Variants in SNX29 observed in about 807,000 individuals in gnomAD.
The protein encoded by SNX29 is sorting nexin-29.
Under a neutral mutation model 102.1 loss-of-function variants are expected in SNX29, and 78 were observed. That is an observed-to-expected ratio of 0.76 (90% CI 0.64 to 0.92). SNX29 has a LOEUF of 0.92. SNX29 is among the 40% of genes least tolerant of loss of function. SNX29 has a pLI of 0.00. For synonymous variants in SNX29, 580 were observed against 414.5 expected (o/e 1.40, Z -4.85); for missense variants, 1,280 against 1,061.7 (o/e 1.21, Z -2.86).
At chr16:12,547,765 G>A (rs948518800) in intron 20 of SNX29, among the ~76,000 whole-genome samples, 11 of 152,178 alleles carry the variant, frequency 7.2e-5, no homozygotes, top group Non-Finnish European at 1.2e-4. Flanking sequence ...AGCTGCAGCT[G>A]CTCACACTTG....
chr16:12,536,655 C>T (rs560025962), intron 20 of SNX29, among the ~76,000 whole-genome samples: 1 of 152,096 alleles, frequency 6.6e-6, no homozygotes, highest in African/African-American at 2.4e-5. Flanking sequence ...TTCTGGGTTC[C>T]TTAGATCCAG....
At chr16:12,545,555 G>A (rs556637666) in intron 20 of SNX29, 1 of 152,242 alleles carries the variant, frequency 6.6e-6, no homozygotes, top group African/African-American at 2.4e-5. Context: ...GACTTATGGA[G>A]AAACGTTTGA....
At chr16:12,494,186 A>G (rs940836570) in intron 19 of SNX29, among the ~76,000 whole-genome samples, 5 of 152,160 alleles carry the variant, frequency 3.3e-5, no homozygotes, top group Admixed American at 2.0e-4. Context: ...TGTCTCAACA[A>G]CAACAGCGAA....
At chr16:12,473,525 A>G (rs1464788372) in intron 18 of SNX29, among the ~76,000 whole-genome samples, 1 of 152,212 alleles carries the variant, frequency 6.6e-6, no homozygotes, top group Non-Finnish European at 1.5e-5. Flanking sequence ...GCAGCAGAGC[A>G]GCCTGCTGTT....
At chr16:12,147,480 G>A (rs2055112985) in intron 13 of SNX29, among the ~76,000 whole-genome samples, 1 of 152,198 alleles carries the variant, frequency 6.6e-6, no homozygotes, top group African/African-American at 2.4e-5. Flanking sequence ...GTAGGTAGAG[G>A]TGTCTAGAGA....
At chr16:12,250,207 G>A (rs2078380561) in intron 14 of SNX29, among the ~76,000 whole-genome samples, 1 of 152,230 alleles carries the variant, frequency 6.6e-6, no homozygotes, top group Non-Finnish European at 1.5e-5. Context: ...CCAGAGACAA[G>A]AGCGGGCACG....
intron 4 of SNX29, among the ~76,000 whole-genome samples, chr16:12,030,218 A>T (rs538152661): frequency 6.6e-6 from 1 of 152,236 alleles, no homozygotes; most frequent in Non-Finnish European, 1.5e-5. Flanking sequence ...TCTTGTTTCT[A>T]TGCATACTGT....
At position 12,572,313 on chromosome 16, in the gene SNX29, G is replaced by T. The variant is rs554330956; in HGVS notation, c.*3684G>T. The T allele has an allele frequency of 2.3e-5, 24 of 1,063,064 alleles. No homozygotes were observed. The highest frequency in any genetic ancestry group is 2.7e-5 in the Non-Finnish European group (24 of 877,760). The allele number at this position is 1,063,064 out of a possible 1,614,324, so 65.9% of individuals were successfully genotyped here. On this transcript the variant is annotated 3_prime_UTR_variant, in exon 21 of 21. Transcript: ENST00000566228. ...GGGCCAGTGATCACAATCCAGGTTG[G>T]AAACAGGAGTGAAGCCCACCAGCCT...
At chr16:12,382,418 C>T (rs989095614) in intron 16 of SNX29, among the ~76,000 whole-genome samples, 5 of 152,264 alleles carry the variant, frequency 3.3e-5, no homozygotes, top group Admixed American at 2.6e-4. Flanking sequence ...CTCACTGTGC[C>T]ACTTAGAGCC....
chr16:12,537,113 C>T (rs1049543044), intron 20 of SNX29, among the ~76,000 whole-genome samples: 5 of 152,204 alleles, frequency 3.3e-5, no homozygotes, highest in African/African-American at 9.6e-5. Context: ...TCCCTTTCCT[C>T]CCAGCTGTTG....
At chr16:12,132,701 A>AT (rs1315667110) in intron 13 of SNX29, among the ~76,000 whole-genome samples, 1 of 152,232 alleles carries the variant, frequency 6.6e-6, no homozygotes, top group Non-Finnish European at 1.5e-5. Context: ...GATAAAATCA[A>AT]TGTCCTAACC....
intron 11 of SNX29, chr16:12,086,627 C>T (rs891255469): frequency 7.9e-5 from 12 of 152,202 alleles, no homozygotes; most frequent in African/African-American, 2.9e-4. Context: ...GTTGCCTAGG[C>T]TGGTCTTGAA....
chr16:12,162,009 C>A (rs1210857679), intron 13 of SNX29, among the ~76,000 whole-genome samples: 1 of 152,200 alleles, frequency 6.6e-6, no homozygotes, highest in South Asian at 2.1e-4. Flanking sequence ...TCCCTCACCA[C>A]CCCTGTTGGT....
intron 16 of SNX29, among the ~76,000 whole-genome samples, chr16:12,378,048 C>A (rs1289397534): frequency 6.6e-6 from 1 of 152,160 alleles, no homozygotes; most frequent in Non-Finnish European, 1.5e-5. Context: ...TACAAACTGG[C>A]CTCTGCAAAA....
At chr16:12,449,451 G>C (rs1364206291) in intron 18 of SNX29, among the ~76,000 whole-genome samples, 2 of 152,058 alleles carry the variant, frequency 1.3e-5, no homozygotes, top group Non-Finnish European at 2.9e-5. Context: ...AGCAGGTAAT[G>C]ATGTTTGTAT....
intron 15 of SNX29, among the ~76,000 whole-genome samples, chr16:12,352,892 A>G (rs2082026409): frequency 6.6e-6 from 1 of 152,222 alleles, no homozygotes; most frequent in Non-Finnish European, 1.5e-5. Flanking sequence ...TTCATGAAAT[A>G]CAACAACTGA....
intron 20 of SNX29, among the ~76,000 whole-genome samples, chr16:12,540,845 A>C (rs2077301641): frequency 6.6e-6 from 1 of 152,046 alleles, no homozygotes. Context: ...GATCGCCTCC[A>C]CCCTTTCTGA....
At chr16:12,195,768 T>G (rs1175729280) in intron 13 of SNX29, among the ~76,000 whole-genome samples, 2 of 152,164 alleles carry the variant, frequency 1.3e-5, no homozygotes, top group Admixed American at 1.3e-4. Context: ...TTGGAGTGTG[T>G]GTTAGACTCT....
intron 7 of SNX29, among the ~76,000 whole-genome samples, chr16:12,049,963 G>T (rs1005138596): frequency 1.3e-5 from 2 of 152,198 alleles, no homozygotes; most frequent in African/African-American, 4.8e-5. Flanking sequence ...TCAAATCTCT[G>T]AAACAAGGCA....
Sources: gnomAD v4.1 joint callset for allele counts (sites outside exome capture counted in the v4.1 genomes callset) on GRCh38, gnomAD v4.1.1 for gene constraint, MANE v1.5 for transcripts, NCBI Gene and HGNC (gene_info 2026-07-23, HGNC 2026-07-21) for gene names.